DTNBP1: variants seen among roughly 807,000 people sequenced by gnomAD.
The protein encoded by DTNBP1 is dystrobrevin binding protein 1.
DTNBP1 carries 35 observed loss-of-function variants against 42.8 expected under a neutral mutation model. That is an observed-to-expected ratio of 0.82 (90% CI 0.63 to 1.09). DTNBP1 has a LOEUF of 1.09. Among genes scored for constraint, DTNBP1 ranks in the 50% least tolerant of loss-of-function variants. The pLI, the probability that DTNBP1 is intolerant of heterozygous loss-of-function variation, is 0.00. For missense variants in DTNBP1, 457 were observed against 424.2 expected (o/e 1.08, Z -0.68); for synonymous variants, 171 against 162.2 (o/e 1.05, Z -0.41).
intron 6 of DTNBP1, among the ~76,000 whole-genome samples, chr6:15,605,399 G>C (rs550294024): frequency 6.6e-6 from 1 of 152,180 alleles, no homozygotes; most frequent in South Asian, 2.1e-4. Context: ...TACAGTCCTA[G>C]ATCCTCATAT....
chr6:15,600,857 T>C (rs1776701377), intron 6 of DTNBP1, among the ~76,000 whole-genome samples: 1 of 152,210 alleles, frequency 6.6e-6, no homozygotes, highest in African/African-American at 2.4e-5. Flanking sequence ...TGTTGAGAAG[T>C]CCAGGAATAG....
At chr6:15,579,945 C>T in intron 7 of DTNBP1, 1 of 316,166 alleles carries the variant, frequency 3.2e-6, no homozygotes, top group Non-Finnish European at 6.7e-6. Context: ...GTGTACCACA[C>T]AAATATGTAC....
intron 7 of DTNBP1, chr6:15,579,887 A>G: frequency 4.4e-6 from 2 of 455,564 alleles, no homozygotes; most frequent in South Asian, 3.1e-5. Context: ...TATGCTAATT[A>G]TCCTGATTTA....
At chr6:15,662,550 C>A (rs773817763) in intron 1 of DTNBP1, among the ~76,000 whole-genome samples, 58 of 152,346 alleles carry the variant, frequency 3.8e-4, no homozygotes, top group African/African-American at 9.6e-4. Context: ...TCCCACACCC[C>A]CCCCGGGCGC....
rs1479011214 is a variant in DTNBP1, at chr6:15,526,741, C to T, written c.668-2072G>A. Among the ~76,000 whole-genome samples the T allele has an allele frequency of 3.3e-5, 5 of 152,150 alleles. No individual in the cohort carries two copies. In the East Asian group the frequency reaches 7.7e-4, roughly 23 times the overall value. On this transcript the variant is annotated intron_variant, in intron 8 of 9. Transcript: ENST00000344537. The stretch of plus-strand genomic sequence containing the variant: ...TCCTTTCTGACCTACGGAAGCCTTT[C>T]GCCAAGGCCTGTCTTTTAGATCGTG...
At chr6:15,526,340 C>T (rs890113690) in intron 8 of DTNBP1, among the ~76,000 whole-genome samples, 4 of 152,196 alleles carry the variant, frequency 2.6e-5, no homozygotes, top group Admixed American at 2.6e-4. Context: ...AATTACCCTC[C>T]TGAACAAAGA....
intron 6 of DTNBP1, among the ~76,000 whole-genome samples, chr6:15,613,885 A>G (rs766864307): frequency 4.6e-5 from 7 of 152,158 alleles, no homozygotes; most frequent in Non-Finnish European, 8.8e-5. Context: ...TATGGTCCAC[A>G]GGCCACCCAT....
intron 4 of DTNBP1, among the ~76,000 whole-genome samples, chr6:15,633,132 T>C (rs1226409350): frequency 2.6e-5 from 4 of 152,214 alleles, no homozygotes; most frequent in African/African-American, 9.6e-5. Context: ...CTTATATGTG[T>C]CCAGCATGGA....
At chr6:15,607,711 G>A (rs1442078795) in intron 6 of DTNBP1, among the ~76,000 whole-genome samples, 1 of 152,212 alleles carries the variant, frequency 6.6e-6, no homozygotes, top group African/African-American at 2.4e-5. Context: ...ATCACATACT[G>A]TTTTATCAAT....
rs192755001 is a variant in DTNBP1, at chr6:15,536,626, C to T, written c.512-3231G>A. Among the ~76,000 whole-genome samples, 91 of 152,384 alleles carry T rather than the reference C, an allele frequency of 6.0e-4. 1 individual carries two copies. The highest frequency in any genetic ancestry group is 3.4e-3 in the Middle Eastern group (1 of 294). ...TGGATGTCCAGGCAAAAGTCTGCTG[C>T]AGGGACACAGCCCTCATGGAGATCT... On this transcript the variant is annotated intron_variant, in intron 7 of 9. Transcript: ENST00000344537.
At chr6:15,529,863 C>T (rs539512983) in intron 8 of DTNBP1, among the ~76,000 whole-genome samples, 4 of 152,378 alleles carry the variant, frequency 2.6e-5, no homozygotes, top group South Asian at 2.1e-4. Flanking sequence ...TATATCCTAA[C>T]GGCATGGAGA....
intron 7 of DTNBP1, among the ~76,000 whole-genome samples, chr6:15,537,704 T>C (rs1434981047): frequency 6.6e-6 from 1 of 152,170 alleles, no homozygotes; most frequent in Non-Finnish European, 1.5e-5. Context: ...GACGGTTTTG[T>C]GTTTGACAGT....
chr6:15,613,275 C>T (rs1284482838), intron 6 of DTNBP1, among the ~76,000 whole-genome samples: 4 of 149,332 alleles, frequency 2.7e-5, no homozygotes, highest in Non-Finnish European at 5.9e-5. Flanking sequence ...TGCACTCCAG[C>T]CTGAGCAACA....
intron 7 of DTNBP1, among the ~76,000 whole-genome samples, chr6:15,591,442 G>T (rs1776295303): frequency 6.6e-6 from 1 of 152,066 alleles, no homozygotes; most frequent in Admixed American, 6.5e-5. Context: ...AAACACTCAA[G>T]AAGAAACAAT....
At chr6:15,600,967 A>G (rs1581379622) in intron 6 of DTNBP1, among the ~76,000 whole-genome samples, 1 of 152,184 alleles carries the variant, frequency 6.6e-6, no homozygotes, top group South Asian at 2.1e-4. Flanking sequence ...TGAGCCAAGG[A>G]TGTAGAAGAG....
intron 7 of DTNBP1, among the ~76,000 whole-genome samples, chr6:15,543,087 C>T (rs1773672539): frequency 6.6e-6 from 1 of 152,096 alleles, no homozygotes; most frequent in African/African-American, 2.4e-5. Context: ...ATTTATTCCA[C>T]AAATAATAGG....
At chr6:15,578,355 G>A (rs1471831228) in intron 7 of DTNBP1, among the ~76,000 whole-genome samples, 4 of 152,220 alleles carry the variant, frequency 2.6e-5, no homozygotes, top group Admixed American at 2.0e-4. Context: ...AGTGCGCAGA[G>A]GGGAATGTAC....
intron 1 of DTNBP1, 66 bp from the exon 2 acceptor site, chr6:15,652,206 G>C: frequency 7.5e-7 from 1 of 1,325,938 alleles, no homozygotes; most frequent in Non-Finnish European, 1.1e-6. Context: ...TTTTGAGACA[G>C]GGTCTCACTC....
chr6:15,643,927 C>T (rs1208255407), intron 3 of DTNBP1, among the ~76,000 whole-genome samples: 1 of 152,084 alleles, frequency 6.6e-6, no homozygotes, highest in African/African-American at 2.4e-5. Context: ...AATAAAACTT[C>T]ACATATCAAT....
Sources: allele counts gnomAD v4.1 joint callset (sites outside exome capture counted in the v4.1 genomes callset), GRCh38; gene constraint gnomAD v4.1.1; transcripts MANE v1.5; gene names NCBI Gene and HGNC (gene_info 2026-07-23, HGNC 2026-07-21).